FOXP2: variants seen among roughly 807,000 people sequenced by gnomAD.
FOXP2 encodes the protein forkhead box P2, also known as forkhead box protein P2.
Under a neutral mutation model 115.8 loss-of-function variants are expected in FOXP2, and 12 were observed. The observed-to-expected ratio is 0.10, with a 90% CI of 0.07 to 0.17. The LOEUF is 0.17. FOXP2 is among the 10% of genes least tolerant of loss of function. The pLI is 1.00. For synonymous variants in FOXP2, 328 were observed against 297.7 expected (o/e 1.10, Z -1.05); for missense variants, 629 against 843.5 (o/e 0.75, Z 3.15).
intron 2 of FOXP2, among the ~76,000 whole-genome samples, chr7:114,442,111 T>C (rs1013595395): frequency 4.6e-5 from 7 of 152,168 alleles, no homozygotes; most frequent in South Asian, 2.1e-4. Flanking sequence ...TGTACATTAA[T>C]TGGTGAACAG....
intron 3 of FOXP2, among the ~76,000 whole-genome samples, chr7:114,600,283 T>C (rs955103422): frequency 2.0e-5 from 3 of 152,214 alleles, no homozygotes; most frequent in African/African-American, 7.2e-5. Flanking sequence ...TATGCAGCCT[T>C]TTCAAATTTA....
intron 1 of FOXP2, among the ~76,000 whole-genome samples, chr7:114,236,696 T>C (rs1264743497): frequency 1.3e-5 from 2 of 152,176 alleles, no homozygotes; most frequent in African/African-American, 4.8e-5. Context: ...ACATACACAT[T>C]TACATGCACA....
At chr7:114,478,774 A>G (rs191521368) in intron 2 of FOXP2, among the ~76,000 whole-genome samples, 1 of 151,882 alleles carries the variant, frequency 6.6e-6, no homozygotes, top group East Asian at 1.9e-4. Flanking sequence ...CTTTCCTTGT[A>G]AATGAACTAA....
At chr7:114,586,829 T>C (rs956829392) in intron 3 of FOXP2, among the ~76,000 whole-genome samples, 1 of 152,076 alleles carries the variant, frequency 6.6e-6, no homozygotes, top group Non-Finnish European at 1.5e-5. Context: ...TAATTAATGC[T>C]TAAATATATT....
intron 16 of FOXP2, among the ~76,000 whole-genome samples, chr7:114,683,565 A>C (rs1808206084): frequency 6.6e-6 from 1 of 152,158 alleles, no homozygotes; most frequent in Non-Finnish European, 1.5e-5. Flanking sequence ...AATGACCAAA[A>C]AATGCTTTGA....
intron 2 of FOXP2, among the ~76,000 whole-genome samples, chr7:114,349,986 T>C: frequency 6.6e-6 from 1 of 152,066 alleles, no homozygotes; most frequent in East Asian, 1.9e-4. Flanking sequence ...TCTGAACTAA[T>C]ACAAAGATAA....
chr7:114,203,059 T>C (rs1794112060), intron 1 of FOXP2, among the ~76,000 whole-genome samples: 3 of 152,220 alleles, frequency 2.0e-5, no homozygotes, highest in Non-Finnish European at 2.9e-5. Context: ...CAAACACTTC[T>C]TGCTAAATTG....
intron 3 of FOXP2, chr7:114,538,288 G>A (rs1192105235): frequency 7.9e-7 from 1 of 1,268,130 alleles, no homozygotes; most frequent in Admixed American, 2.3e-5. Flanking sequence ...GTTTAGATAT[G>A]AAAATTGGTC....
intron 2 of FOXP2, among the ~76,000 whole-genome samples, chr7:114,450,606 C>A (rs1321503242): frequency 6.6e-6 from 1 of 152,016 alleles, no homozygotes; most frequent in African/African-American, 2.4e-5. Flanking sequence ...AGAGGTCATA[C>A]CGCTGTGATG....
intron 2 of FOXP2, among the ~76,000 whole-genome samples, chr7:114,394,978 A>C (rs1425681589): frequency 1.4e-5 from 2 of 147,296 alleles, no homozygotes; most frequent in African/African-American, 5.2e-5. Context: ...CCAGATTTTG[A>C]TAGTACCATG....
In FOXP2 at chr7:114,642,803, TATATATATA is replaced by T. The variant is rs1183548805; in HGVS notation, c.989+181_989+189del. Among the ~76,000 whole-genome samples the T allele has an allele frequency of 1.1e-3, 49 of 45,884 alleles. 1 individual carries two copies. Among genetic ancestry groups the T allele is most frequent in the African/African-American group, 3.2e-3 (43 of 13,448 alleles). The allele number at this position is 45,884 out of a possible 152,430, so 30.1% of individuals were successfully genotyped here. ...TAATATATATATATATATATATATA[TATATATATA>T]TTTTTTTTTTTTTTTAGGCAGAGTC... On this transcript the variant is annotated intron_variant, in intron 7 of 16. Coordinates refer to ENST00000350908, the MANE Select transcript of FOXP2 (RefSeq NM_014491.4).
intron 5 of FOXP2, 116 bp from the exon 6 acceptor site, chr7:114,631,412 T>C: frequency 2.6e-6 from 4 of 1,522,890 alleles, no homozygotes; most frequent in Middle Eastern, 2.3e-4. Flanking sequence ...ACTTTGACTA[T>C]GGGATGACCA....
intron 3 of FOXP2, among the ~76,000 whole-genome samples, chr7:114,565,808 C>T (rs1800992869): frequency 6.6e-6 from 1 of 152,090 alleles, no homozygotes; most frequent in African/African-American, 2.4e-5. Flanking sequence ...TTTAGGCATG[C>T]ACTTACTTAG....
chr7:114,343,786 T>A (rs1262491436), intron 2 of FOXP2, among the ~76,000 whole-genome samples: 1 of 151,720 alleles, frequency 6.6e-6, no homozygotes, highest in Non-Finnish European at 1.5e-5. Flanking sequence ...TTAATACAAC[T>A]GCCTGGCCAT....
intron 2 of FOXP2, among the ~76,000 whole-genome samples, chr7:114,327,234 A>G (rs925753558): frequency 1.3e-5 from 2 of 152,198 alleles, no homozygotes; most frequent in African/African-American, 2.4e-5. Flanking sequence ...TCTGTTAGCC[A>G]GGTACTTAGC....
chr7:114,657,699 A>T (rs551909044), intron 10 of FOXP2, among the ~76,000 whole-genome samples: 1 of 152,326 alleles, frequency 6.6e-6, no homozygotes, highest in African/African-American at 2.4e-5. Flanking sequence ...AAAACATTGC[A>T]TCCTTCATTA....
chr7:114,642,175 A>G (rs1805571963), intron 6 of FOXP2, among the ~76,000 whole-genome samples: 1 of 152,082 alleles, frequency 6.6e-6, no homozygotes, highest in Admixed American at 6.6e-5. Flanking sequence ...CAGTAATTTC[A>G]TATGGCATTA....
chr7:114,439,617 C>G (rs996693857), intron 2 of FOXP2, among the ~76,000 whole-genome samples: 1 of 152,038 alleles, frequency 6.6e-6, no homozygotes. Context: ...GTGATCTTAG[C>G]TCACTGCTAC....
intron 1 of FOXP2, among the ~76,000 whole-genome samples, chr7:114,130,745 T>C (rs1791851125): frequency 1.3e-5 from 2 of 152,216 alleles, no homozygotes; most frequent in South Asian, 2.1e-4. Context: ...AGAAAATATA[T>C]GCAAAGGCAT....
Sources: gnomAD v4.1 joint callset for allele counts (sites outside exome capture counted in the v4.1 genomes callset) on GRCh38, gnomAD v4.1.1 for gene constraint, MANE v1.5 for transcripts, NCBI Gene and HGNC (gene_info 2026-07-23, HGNC 2026-07-21) for gene names.